GYS2: variants seen among roughly 807,000 people sequenced by gnomAD.
GYS2 encodes glycogen [starch] synthase, liver.
In GYS2, 80 loss-of-function variants were observed where a neutral mutation model predicts 85.6. The ratio of observed to expected loss-of-function variants is 0.93; its 90% CI spans 0.78 to 1.13. The LOEUF (loss-of-function observed/expected upper bound fraction) is 1.13. GYS2 is among the 50% of genes most tolerant of loss of function. The pLI, the probability that GYS2 is intolerant of heterozygous loss-of-function variation, is 0.00. For synonymous variants in GYS2, 328 were observed against 300.7 expected (o/e 1.09, Z -0.94); for missense variants, 881 against 854.9 (o/e 1.03, Z -0.38).
At chr12:21,600,696 T>C (rs1944746509) in intron 1 of GYS2, among the ~76,000 whole-genome samples, 1 of 152,146 alleles carries the variant, frequency 6.6e-6, no homozygotes, top group Non-Finnish European at 1.5e-5. Context: ...GAAAAGTACT[T>C]CTATATACGT....
chr12:21,585,775 T>G (rs1288703165), intron 1 of GYS2, among the ~76,000 whole-genome samples: 1 of 152,196 alleles, frequency 6.6e-6, no homozygotes, highest in Non-Finnish European at 1.5e-5. Context: ...AATATATACA[T>G]TTTACTTCCT....
Position 21,536,778 on chromosome 12 carries a change from G to A in GYS2, c.*176C>T. 6.5e-6 allele frequency: 4 copies of A among 619,340 alleles called. No homozygotes were observed. In the South Asian group the frequency reaches 7.9e-5, roughly 12 times the overall value. The allele number at this position is 619,340 out of a possible 1,614,324, so 38.4% of individuals were successfully genotyped here. A position where few individuals can be genotyped will look rare whatever the true frequency, so the allele number is the denominator to read the frequency against. On this transcript the variant is annotated 3_prime_UTR_variant, in exon 16 of 16. Transcript: ENST00000261195. ...AACAAGAGTTGGGGAAAATAACTTG[G>A]ATCTTATCCTAAATTACAAAATTGT...
Position 21,541,292 on chromosome 12 carries a change from C to CAAAA in GYS2, c.1646-723_1646-720dup, listed in dbSNP as rs1230079238. 1.9e-5 allele frequency among the ~76,000 whole-genome samples: 2 copies of CAAAA among 106,258 alleles called. 1 individual carries two copies. Among genetic ancestry groups the CAAAA allele is most frequent in the South Asian group, 6.0e-4 (2 of 3,352 alleles). The allele number at this position is 106,258 out of a possible 152,430, so 69.7% of individuals were successfully genotyped here. A position where few individuals can be genotyped will look rare whatever the true frequency, so the allele number is the denominator to read the frequency against. On this transcript the variant is annotated intron_variant, in intron 13 of 15. Coordinates refer to ENST00000261195, the MANE Select transcript of GYS2 (RefSeq NM_021957.4). The stretch of plus-strand genomic sequence containing the variant: ...CCAAAAAAAAAAAAAAAAAAAAAAA[C>CAAAA]AAAAAACCCAGGGAAATGGCAATGT...
intron 11 of GYS2, among the ~76,000 whole-genome samples, chr12:21,551,885 T>C (rs1246799916): frequency 6.6e-6 from 1 of 152,206 alleles, no homozygotes; most frequent in Non-Finnish European, 1.5e-5. Flanking sequence ...GCATTGTGTC[T>C]ACTTTAGCGT....
chr12:21,576,892 T>C (rs981483299), intron 2 of GYS2, among the ~76,000 whole-genome samples: 2 of 152,196 alleles, frequency 1.3e-5, no homozygotes, highest in African/African-American at 2.4e-5. Context: ...CATAAACCAC[T>C]TCAAACCCTT....
At position 21,558,287 on chromosome 12, in the gene GYS2, C is replaced by A. The variant is rs770636626; in HGVS notation, c.1335G>T (p.Thr445=). 2 of 1,613,062 alleles carry A rather than the reference C, an allele frequency of 1.2e-6. No homozygotes were observed. Among genetic ancestry groups the A allele is most frequent in the Non-Finnish European group, 1.7e-6 (2 of 1,179,156 alleles). ...TQRQSLPPVT[T]HNMIDDSTDP... The stretch of plus-strand genomic sequence containing the variant: ...CGGTGGAGTCATCAATCATGTTGTG[C>A]GTGGTCACTGGGGGCAATGACTGTC... The change falls in exon 11 of 16, where the codon ACG becomes ACT. Residue 445 remains threonine (T), a synonymous_variant. Transcript: ENST00000261195.
At chr12:21,582,920 T>C (rs79293261) in intron 1 of GYS2, among the ~76,000 whole-genome samples, 2,423 of 152,308 alleles carry the variant, frequency 0.016, 26 homozygotes, top group Non-Finnish European at 0.024. Context: ...GGAATTTAGC[T>C]ACTGTATACA....
chr12:21,566,627 C>A (rs2136889391), intron 5 of GYS2, among the ~76,000 whole-genome samples: 1 of 152,250 alleles, frequency 6.6e-6, no homozygotes, highest in Non-Finnish European at 1.5e-5. Context: ...TCGATATTTT[C>A]TAAATCTTTA....
chr12:21,552,336 C>T (rs995674861), intron 11 of GYS2, among the ~76,000 whole-genome samples: 32 of 152,166 alleles, frequency 2.1e-4, no homozygotes, highest in African/African-American at 7.5e-4. Flanking sequence ...GTAGCTAAGG[C>T]AAAATGATAA....
At chr12:21,600,354 T>C (rs1376204764) in intron 1 of GYS2, among the ~76,000 whole-genome samples, 2 of 152,102 alleles carry the variant, frequency 1.3e-5, no homozygotes, top group Non-Finnish European at 2.9e-5. Flanking sequence ...TATCCAACTC[T>C]TGGTCTCAAA....
chr12:21,562,774 A>G (rs985726294), intron 7 of GYS2, 144 bp downstream of exon 7: 5 of 824,396 alleles, frequency 6.1e-6, no homozygotes, highest in African/African-American at 5.1e-5. Flanking sequence ...TCCAATATGT[A>G]AATTGAAAGG....
intron 1 of GYS2, among the ~76,000 whole-genome samples, chr12:21,593,553 C>A (rs1415172742): frequency 3.3e-5 from 5 of 151,754 alleles, no homozygotes; most frequent in African/African-American, 7.3e-5. Context: ...TACCACCTAC[C>A]AAGATTGAAT....
At chr12:21,604,135 T>C (rs1360469051) in intron 1 of GYS2, among the ~76,000 whole-genome samples, 2 of 152,152 alleles carry the variant, frequency 1.3e-5, no homozygotes, top group Non-Finnish European at 1.5e-5. Context: ...TTAATTATAC[T>C]ATTTTGCTGA....
At chr12:21,573,659 A>G (rs1470699931) in intron 4 of GYS2, among the ~76,000 whole-genome samples, 1 of 152,220 alleles carries the variant, frequency 6.6e-6, no homozygotes, top group African/African-American at 2.4e-5. Flanking sequence ...AGTTACAGGG[A>G]AAACTGAACC....
chr12:21,581,307 G>A (rs900556812), intron 1 of GYS2, among the ~76,000 whole-genome samples: 1 of 152,126 alleles, frequency 6.6e-6, no homozygotes, highest in Non-Finnish European at 1.5e-5. Flanking sequence ...TCCTGGGCCT[G>A]GTTAAAGATA....
chr12:21,540,446 C>G lies in GYS2; in HGVS notation c.1773G>C (p.Arg591Ser). Residue 591 changes from arginine to serine, a missense_variant, in exon 14 of 16, where the codon AGG becomes AGC. By Grantham distance (110) the Arg-to-Ser change is moderately radical. Coordinates refer to ENST00000261195, the MANE Select transcript of GYS2 (RefSeq NM_021957.4). ...ATCTCCAATCCAGAAGATCTGAGAGCCTCTCAGTTCTGTTCCTCTGGATAA... is the reference window on the plus strand; with the variant it reads ...ATCTCCAATCCAGAAGATCTGAGAGGCTCTCAGTTCTGTTCCTCTGGATAA... ...QRIIQRNRTE[R>S]LSDLLDWRYL... 1.9e-6 allele frequency: 3 copies of G among 1,613,980 alleles called. No individual in the cohort carries two copies. Among genetic ancestry groups the G allele is most frequent in the Non-Finnish European group, 2.5e-6 (3 of 1,179,888 alleles).
chr12:21,546,615 A>G, intron 11 of GYS2, 145 bp from the exon 12 acceptor site: 1 of 596,386 alleles, frequency 1.7e-6, no homozygotes, highest in Non-Finnish European at 2.9e-6. Flanking sequence ...AGACAAAAGA[A>G]AAAGAAAAAA....
intron 1 of GYS2, among the ~76,000 whole-genome samples, chr12:21,600,547 G>C (rs1944744599): frequency 6.6e-6 from 1 of 152,200 alleles, no homozygotes; most frequent in Non-Finnish European, 1.5e-5. Flanking sequence ...TTTTGCTCTA[G>C]AGAAAAGCCA....
chr12:21,565,431 ATATG>A (rs1431993297), intron 5 of GYS2, among the ~76,000 whole-genome samples: 2 of 118,890 alleles, frequency 1.7e-5, no homozygotes, highest in Non-Finnish European at 3.6e-5. Flanking sequence ...ATATATATAT[ATATG>A]GATGTTACTG....
Sources: gnomAD v4.1 joint callset for allele counts (sites outside exome capture counted in the v4.1 genomes callset) on GRCh38, gnomAD v4.1.1 for gene constraint, MANE v1.5 for transcripts, NCBI Gene and HGNC (gene_info 2026-07-23, HGNC 2026-07-21) for gene names.